FGF14: variants seen among roughly 807,000 people sequenced by gnomAD.
FGF14 encodes the protein fibroblast growth factor 14, also known as fibroblast growth factor homologous factor 4.
A neutral mutation model predicts 25.5 loss-of-function variants in FGF14; 5 were observed. The ratio of observed to expected loss-of-function variants is 0.20; its 90% CI spans 0.10 to 0.41. The LOEUF is 0.41. Ranked by LOEUF, FGF14 falls within the 10% of genes least tolerant of loss-of-function variation. FGF14 has a pLI of 1.00. For synonymous variants in FGF14, 138 were observed against 118.3 expected, an observed-to-expected ratio of 1.17 and a Z score of -1.08; for missense variants, 222 against 320.1, an observed-to-expected ratio of 0.69 and a Z score of 2.34.
chr13:102,320,490 T>C (rs753528423), intron 1 of FGF14, among the ~76,000 whole-genome samples: 1 of 152,136 alleles, frequency 6.6e-6, no homozygotes, highest in Non-Finnish European at 1.5e-5. Context: ...GGAGTTATCC[T>C]AGGGAAAATG....
intron 1 of FGF14, among the ~76,000 whole-genome samples, chr13:102,257,342 CTTTTTTTTTTTTT>C (rs71125058): frequency 6.1e-5 from 2 of 32,554 alleles, no homozygotes; most frequent in Admixed American, 1.0e-3. Context: ...CCTTTCTTTT[CTTTTTTTTTTTTT>C]TTTTTTTTTT....
intron 1 of FGF14, among the ~76,000 whole-genome samples, chr13:102,208,717 T>A (rs1378062025): frequency 6.6e-6 from 1 of 152,136 alleles, no homozygotes; most frequent in Non-Finnish European, 1.5e-5. Flanking sequence ...TTATCCTACC[T>A]CACACTTGGG....
chr13:102,061,394 C>G (rs1203891509), intron 1 of FGF14, among the ~76,000 whole-genome samples: 1 of 152,222 alleles, frequency 6.6e-6, no homozygotes, highest in Non-Finnish European at 1.5e-5. Context: ...ATGTTCCTCC[C>G]AGAGGTTTGC....
intron 3 of FGF14, among the ~76,000 whole-genome samples, chr13:101,761,079 C>T (rs1487664253): frequency 6.6e-6 from 1 of 152,174 alleles, no homozygotes; most frequent in Admixed American, 6.6e-5. Flanking sequence ...CACTTCTTCT[C>T]CAATTCCATT....
At chr13:101,851,628 C>T (rs146568762) in intron 3 of FGF14, among the ~76,000 whole-genome samples, 210 of 152,140 alleles carry the variant, frequency 1.4e-3, no homozygotes, top group African/African-American at 4.8e-3. Flanking sequence ...TCAACCTATG[C>T]CTCTGGCTTC....
intron 3 of FGF14, among the ~76,000 whole-genome samples, chr13:101,851,849 T>C (rs892682462): frequency 5.9e-5 from 9 of 152,106 alleles, no homozygotes; most frequent in African/African-American, 2.2e-4. Flanking sequence ...TAAATGAAAT[T>C]GTTAGTTGCC....
At chr13:102,015,940 C>G (rs2040317301) in intron 1 of FGF14, among the ~76,000 whole-genome samples, 1 of 152,096 alleles carries the variant, frequency 6.6e-6, no homozygotes, top group African/African-American at 2.4e-5. Context: ...GAAATACTCT[C>G]CAAAATTTAA....
intron 3 of FGF14, among the ~76,000 whole-genome samples, chr13:101,765,263 T>G (rs7321818): frequency 0.41 from 62,520 of 152,028 alleles, 14,453 homozygotes; most frequent in Non-Finnish European, 0.52. Flanking sequence ...AAAATTGAAT[T>G]GACTACTAAA....
chr13:102,373,148 C>G (rs941518472), intron 1 of FGF14, among the ~76,000 whole-genome samples: 1 of 152,132 alleles, frequency 6.6e-6, no homozygotes, highest in African/African-American at 2.4e-5. Flanking sequence ...CAGATAAGTT[C>G]CTAAGCAAGA....
chr13:101,789,262 A>G (rs1381895618), intron 3 of FGF14, among the ~76,000 whole-genome samples: 1 of 151,732 alleles, frequency 6.6e-6, no homozygotes, highest in East Asian at 1.9e-4. Context: ...CCCACCACTT[A>G]TATTCTCTTT....
At chr13:101,919,623 C>G (rs2033847477), upstream of FGF14, among the ~76,000 whole-genome samples, 1 of 151,870 alleles carries the variant, frequency 6.6e-6, no homozygotes, top group Non-Finnish European at 1.5e-5. Context: ...TGACATTCAG[C>G]ACCGCGGACA....
rs551251825 is a variant in FGF14 at position 101,738,187 on chromosome 13, T to C, written c.409-11377A>G. On this transcript the variant is annotated intron_variant, in intron 3 of 4. Coordinates refer to ENST00000376143, the MANE Select transcript of FGF14 (RefSeq NM_004115.4). ...TGATTTTGTGTCTTAGAGGACATAA[T>C]AGATTAAGAAGCATTTATTTCTACC... is the stretch of plus-strand genomic sequence containing the variant. Among the ~76,000 whole-genome samples, 4 of 152,288 alleles carry C rather than the reference T, an allele frequency of 2.6e-5. No individual in the cohort carries two copies. In the East Asian group the frequency reaches 5.8e-4, roughly 22 times the overall value.
chr13:102,027,077 A>G (rs186021890), intron 1 of FGF14, among the ~76,000 whole-genome samples: 1,885 of 152,092 alleles, frequency 0.012, 23 homozygotes, highest in Non-Finnish European at 0.019. Context: ...AGGCCAGGCT[A>G]TCTTTCCTCC....
chr13:102,086,121 T>C (rs375769385), intron 1 of FGF14, among the ~76,000 whole-genome samples: 5 of 152,228 alleles, frequency 3.3e-5, no homozygotes, highest in African/African-American at 7.2e-5. Flanking sequence ...ATGACAAGTC[T>C]TGATTAAAAG....
intron 1 of FGF14, among the ~76,000 whole-genome samples, chr13:102,072,546 C>A (rs1379342457): frequency 6.6e-6 from 1 of 152,150 alleles, no homozygotes; most frequent in Non-Finnish European, 1.5e-5. Context: ...GATAGCCCTT[C>A]CCAAAATTCT....
At chr13:102,379,514 G>C (rs910210758) in intron 1 of FGF14, among the ~76,000 whole-genome samples, 9 of 149,354 alleles carry the variant, frequency 6.0e-5, no homozygotes, top group African/African-American at 2.2e-4. Flanking sequence ...TCAGTTTAAA[G>C]TATATATATA....
At chr13:102,274,244 T>A (rs1169907686) in intron 1 of FGF14, among the ~76,000 whole-genome samples, 1 of 152,228 alleles carries the variant, frequency 6.6e-6, no homozygotes, top group East Asian at 1.9e-4. Context: ...GCTTTTTGGA[T>A]ACTTAATACA....
chr13:101,932,477 G>C (rs1379294459), intron 1 of FGF14, among the ~76,000 whole-genome samples: 1 of 139,238 alleles, frequency 7.2e-6, no homozygotes, highest in Non-Finnish European at 1.5e-5. Context: ...AGGTTGCAGT[G>C]AGCCAAGATC....
intron 1 of FGF14, among the ~76,000 whole-genome samples, chr13:102,388,715 T>G (rs2058364125): frequency 6.6e-6 from 1 of 152,226 alleles, no homozygotes; most frequent in African/African-American, 2.4e-5. Context: ...ACATTTTCAT[T>G]TTATTGCTTT....
Sources: allele counts gnomAD v4.1 joint callset (sites outside exome capture counted in the v4.1 genomes callset), GRCh38; gene constraint gnomAD v4.1.1; transcripts MANE v1.5; gene names NCBI Gene and HGNC (gene_info 2026-07-23, HGNC 2026-07-21).